STK3: variants seen among roughly 807,000 people sequenced by gnomAD.
STK3 encodes the protein serine/threonine-protein kinase 3.
Under a neutral mutation model 58.0 loss-of-function variants are expected in STK3, and 41 were observed. The observed-to-expected ratio is 0.71, with a 90% confidence interval of 0.55 to 0.92. The LOEUF (loss-of-function observed/expected upper bound fraction) is 0.92, where lower values mean the gene tolerates loss of function less well. STK3 is among the 40% of genes least tolerant of loss of function. The pLI, the probability that STK3 is intolerant of heterozygous loss-of-function variation, is 0.00. For missense variants in STK3, 479 were observed against 602.7 expected (o/e 0.79, Z 2.15); for synonymous variants, 170 against 191.0 (o/e 0.89, Z 0.91).
chr8:98,523,885 T>G (rs1280021730), intron 10 of STK3, among the ~76,000 whole-genome samples: 8 of 152,232 alleles, frequency 5.3e-5, no homozygotes, highest in African/African-American at 1.9e-4. Flanking sequence ...TTTATCTATT[T>G]TTTGTTACTT....
At chr8:98,684,963 TTA>T (rs907863680) in intron 6 of STK3, among the ~76,000 whole-genome samples, 15 of 152,164 alleles carry the variant, frequency 9.9e-5, no homozygotes, top group African/African-American at 3.6e-4. Flanking sequence ...TTTGTTTCAC[TTA>T]TGTGTGTGTG....
chr8:98,386,189 C>A (rs909347903), intron 1 of STK3, among the ~76,000 whole-genome samples: 1 of 152,106 alleles, frequency 6.6e-6, no homozygotes, highest in Non-Finnish European at 1.5e-5. Flanking sequence ...TATATATTTG[C>A]CATTTGAACA....
intron 4 of STK3, among the ~76,000 whole-genome samples, chr8:98,742,084 A>G (rs1829262956): frequency 6.6e-6 from 1 of 152,070 alleles, no homozygotes; most frequent in Non-Finnish European, 1.5e-5. Flanking sequence ...TTGTGGCAAT[A>G]ATCAATAGCT....
At chr8:98,494,615 A>G (rs1019664163) in intron 10 of STK3, among the ~76,000 whole-genome samples, 1 of 139,670 alleles carries the variant, frequency 7.2e-6, no homozygotes, top group African/African-American at 2.7e-5. Flanking sequence ...TAATGGTGCC[A>G]CTGCACACTA....
chr8:98,681,100 G>C (rs1399872055), intron 6 of STK3, among the ~76,000 whole-genome samples: 1 of 151,232 alleles, frequency 6.6e-6, no homozygotes, highest in Non-Finnish European at 1.5e-5. Flanking sequence ...CTGGGTTCAA[G>C]CAACTCTCCT....
At chr8:98,582,278 G>T (rs1291120363) in intron 7 of STK3, among the ~76,000 whole-genome samples, 1 of 151,796 alleles carries the variant, frequency 6.6e-6, no homozygotes, top group East Asian at 1.9e-4. Flanking sequence ...TCTTTTTCTT[G>T]TTGAAATACT....
rs1444114392 is a variant in STK3 at position 98,428,686 on chromosome 8, C to T, written n.483+5441G>A. The T allele has an allele frequency of 6.2e-7, 1 of 1,614,100 alleles. No individual in the cohort carries two copies. The highest frequency in any genetic ancestry group is 8.5e-7 in the Non-Finnish European group (1 of 1,180,050). On this transcript the variant is annotated intron_variant and non_coding_transcript_variant, in intron 3 of 3. Transcript: ENST00000517832. This position sits in a 1 kb window ranked among gnomAD's most constrained non-coding sequence, Gnocchi z 6.7. ...GAAATCGTGGAGCACTTTGGCATTG[C>T]CTGGTTCACATTTGAGCTGGTGGCC... is the stretch of plus-strand genomic sequence containing the variant.
intron 7 of STK3, among the ~76,000 whole-genome samples, chr8:98,585,263 A>C (rs200225671): frequency 1.3e-5 from 2 of 152,070 alleles, no homozygotes; most frequent in Non-Finnish European, 2.9e-5. Context: ...ATCTTGAATT[A>C]ATTTTTGTAT....
chr8:98,651,187 A>C (rs1194378148), intron 6 of STK3, among the ~76,000 whole-genome samples: 1 of 152,160 alleles, frequency 6.6e-6, no homozygotes, highest in Non-Finnish European at 1.5e-5. Context: ...CGGTCACGAA[A>C]ATCTGCTGTT....
intron 6 of STK3, among the ~76,000 whole-genome samples, chr8:98,603,886 T>C (rs1816565982): frequency 6.6e-6 from 1 of 152,202 alleles, no homozygotes; most frequent in African/African-American, 2.4e-5. Context: ...TCCCCGGACT[T>C]GTGAATATGT....
At chr8:98,677,990 A>G (rs1327717367) in intron 6 of STK3, among the ~76,000 whole-genome samples, 1 of 152,198 alleles carries the variant, frequency 6.6e-6, no homozygotes, top group Non-Finnish European at 1.5e-5. Context: ...AGAAAACCAC[A>G]TTTGTATTTT....
At chr8:98,643,996 C>G (rs916207236) in intron 6 of STK3, among the ~76,000 whole-genome samples, 1 of 152,084 alleles carries the variant, frequency 6.6e-6, no homozygotes, top group African/African-American at 2.4e-5. Context: ...GCATAGGCAA[C>G]AGACAAAGAC....
chr8:98,802,871 A>AT (rs1265781861), intron 1 of STK3, among the ~76,000 whole-genome samples: 5 of 152,322 alleles, frequency 3.3e-5, no homozygotes, highest in South Asian at 2.1e-4. Flanking sequence ...GAATTGAACC[A>AT]TTTTTTAAAT....
chr8:98,804,397 G>A (rs745626104), intron 1 of STK3, among the ~76,000 whole-genome samples: 2 of 152,130 alleles, frequency 1.3e-5, no homozygotes, highest in Non-Finnish European at 1.5e-5. Context: ...AGACTTAAAT[G>A]ACTTCCTCAG....
chr8:98,375,555 G>A (rs12681388), intron 2 of STK3, among the ~76,000 whole-genome samples: 4,700 of 152,176 alleles, frequency 0.031, 331 homozygotes, highest in East Asian at 0.16. Flanking sequence ...TTCCTTTATA[G>A]TCACTGCTTC....
chr8:98,753,875 T>G (rs1250979919), intron 3 of STK3, among the ~76,000 whole-genome samples: 1 of 152,076 alleles, frequency 6.6e-6, no homozygotes, highest in African/African-American at 2.4e-5. Flanking sequence ...CTGGTCTCCT[T>G]GTCTTAGTTT....
intron 7 of STK3, among the ~76,000 whole-genome samples, chr8:98,585,361 C>T (rs1352638099): frequency 6.6e-6 from 1 of 152,038 alleles, no homozygotes; most frequent in Non-Finnish European, 1.5e-5. Flanking sequence ...GAATCCTTTC[C>T]CCATTGCTTG....
intron 10 of STK3, among the ~76,000 whole-genome samples, chr8:98,506,281 C>T (rs1824069148): frequency 6.6e-6 from 1 of 152,148 alleles, no homozygotes. Flanking sequence ...TGGAGGCATC[C>T]CGTTTTTCCA....
At chr8:98,903,556 C>CT (rs200556218) in intron 1 of STK3, among the ~76,000 whole-genome samples, 17 of 50,516 alleles carry the variant, frequency 3.4e-4, no homozygotes, top group East Asian at 5.5e-4. Context: ...TCTTCTTCTT[C>CT]CTTTTTTTTT....
Sources: allele counts gnomAD v4.1 joint callset (sites outside exome capture counted in the v4.1 genomes callset), GRCh38; gene constraint gnomAD v4.1.1; non-coding constraint Gnocchi (gnomAD v3.1); transcripts MANE v1.5; gene names NCBI Gene and HGNC (gene_info 2026-07-23, HGNC 2026-07-21).